The following SLC9C2 variants were observed in gnomAD, a reference collection of about 807,000 sequenced individuals.
The protein encoded by SLC9C2 is solute carrier family 9 member C2 (putative), also known as sodium/hydrogen exchanger 11.
A neutral mutation model predicts 140.2 loss-of-function variants in SLC9C2; 75 were observed. The ratio of observed to expected loss-of-function variants is 0.53; its 90% CI spans 0.44 to 0.65. SLC9C2 has a LOEUF of 0.65. Among genes scored for constraint, SLC9C2 ranks in the 30% least tolerant of loss-of-function variants. The probability of loss-of-function intolerance (pLI) is 0.00; values close to 1 mark genes in which losing one functional copy is unlikely to be tolerated. For synonymous variants in SLC9C2, 375 were observed against 420.9 expected (o/e 0.89, Z 1.34); for missense variants, 1,074 against 1,331.8 (o/e 0.81, Z 3.01).
intron 4 of SLC9C2, among the ~76,000 whole-genome samples, chr1:173,591,231 C>G (rs1666141230): frequency 6.6e-6 from 1 of 152,120 alleles, no homozygotes; most frequent in African/African-American, 2.4e-5. Flanking sequence ...TATGGCTGCA[C>G]AGTATTCCAT....
intron 11 of SLC9C2, among the ~76,000 whole-genome samples, chr1:173,550,530 C>T (rs1433681969): frequency 2.6e-5 from 4 of 151,272 alleles, no homozygotes; most frequent in Admixed American, 2.6e-4. Context: ...CATCCACCTC[C>T]TGGGTTCAAG....
rs189633527 is a variant in SLC9C2, at chr1:173,562,833, A to G, written c.1047-5325T>C. 3.9e-3 allele frequency among the ~76,000 whole-genome samples: 595 copies of G among 152,322 alleles called. 3 individuals carry two copies. The highest frequency in any genetic ancestry group is 0.014 in the Middle Eastern group (4 of 294). On this transcript the variant is annotated intron_variant, in intron 9 of 27. Coordinates refer to ENST00000367714, the MANE Select transcript of SLC9C2 (RefSeq NM_178527.4). ...ATATAAAAATTTTATTCCAGAATCT[A>G]AGAATGTTGTAGAGATCAAGAGAGC...
In SLC9C2 at chr1:173,537,011, C is replaced by A; in HGVS notation, c.1586G>T (p.Gly529Val). 1.2e-6 allele frequency: 2 copies of A among 1,613,626 alleles called. No homozygotes were observed. Among genetic ancestry groups the A allele is most frequent in the South Asian group, 2.2e-5 (2 of 91,066 alleles). ...MSSFEKQRNN[G>V]ILEIEAARIL... ...CCGGGCTGCCTCTATTTCAAGAATT[C>A]CATTGTTACGCTGTTTTTCAAAGCT... The change falls in exon 14 of 28, where the codon GGA (glycine) becomes GTA (valine). Residue 529 changes from glycine (G) to valine (V), a missense_variant. Physicochemically the swap from Gly to Val is moderately radical, Grantham distance 109. Transcript: ENST00000367714.
chr1:173,560,537 G>A (rs1045005910), intron 9 of SLC9C2, among the ~76,000 whole-genome samples: 1 of 152,202 alleles, frequency 6.6e-6, no homozygotes, highest in African/African-American at 2.4e-5. Context: ...GTTTCCCAAA[G>A]CTCAGGGGAG....
At chr1:173,518,031 C>A (rs1453538486) in intron 22 of SLC9C2, among the ~76,000 whole-genome samples, 1 of 152,090 alleles carries the variant, frequency 6.6e-6, no homozygotes, top group Admixed American at 6.5e-5. Context: ...GAGGCCAAGG[C>A]GGGCGGATCA....
chr1:173,537,748 G>A (rs1253100356), intron 13 of SLC9C2, among the ~76,000 whole-genome samples: 1 of 152,076 alleles, frequency 6.6e-6, no homozygotes, highest in Non-Finnish European at 1.5e-5. Flanking sequence ...AATTCTAAGT[G>A]TAACTAATCA....
rs1021075898 is a variant in SLC9C2 at position 173,573,306 on chromosome 1, A to T, written c.922T>A (p.Ser308Thr). 10 of 1,531,240 alleles carry T rather than the reference A, an allele frequency of 6.5e-6. No individual in the cohort carries two copies. Among genetic ancestry groups the T allele is most frequent in the Admixed American group, 4.0e-5 (2 of 50,092 alleles). The allele number at this position is 1,531,240 out of a possible 1,614,324, so 94.9% of individuals were successfully genotyped here. A position where few individuals can be genotyped will look rare whatever the true frequency, so the allele number is the denominator to read the frequency against. ...GCATATATTAAATGTTCATATACAG[A>T]TGAAAAAATTCTTAAGAACCTAGGA... ...VITKFLRIFS[S>T]VYEHLIYAFF... Residue 308 changes from serine (S) to threonine (T), a missense_variant, in exon 9 of 28, where the codon TCT becomes ACT. Ser to Thr is a moderately conservative substitution (Grantham distance 58, BLOSUM62 1). Coordinates refer to ENST00000367714, the MANE Select transcript of SLC9C2 (RefSeq NM_178527.4).
intron 3 of SLC9C2, among the ~76,000 whole-genome samples, chr1:173,599,602 GCTTT>G (rs1388539109): frequency 6.7e-6 from 1 of 149,950 alleles, no homozygotes; most frequent in Non-Finnish European, 1.5e-5. Flanking sequence ...GTCTTTCCTT[GCTTT>G]CTTTCCTTCT....
chr1:173,549,907 G>A lies in SLC9C2; in HGVS notation c.1298-1355C>T, dbSNP rs369936546. Among the ~76,000 whole-genome samples the A allele has an allele frequency of 1.1e-4, 16 of 152,294 alleles. No individual in the cohort carries two copies. The East Asian group carries it at 1.9e-3, about 18-fold the overall frequency. ...ATCTCACTTTTGAATACCAGAGTAG[G>A]AGGAATCACAAGAAAGGAAGCATGA... On this transcript the variant is annotated intron_variant, in intron 11 of 27. Coordinates refer to ENST00000367714, the MANE Select transcript of SLC9C2 (RefSeq NM_178527.4).
chr1:173,589,567 AATAG>A (rs1666044395), intron 4 of SLC9C2, among the ~76,000 whole-genome samples: 1 of 152,108 alleles, frequency 6.6e-6, no homozygotes, highest in Admixed American at 6.5e-5. Flanking sequence ...CTCAAAAAAA[AATAG>A]ATATATAAAT....
rs1043856711 is a variant in SLC9C2, at chr1:173,507,683, A to C, written c.3040-642T>G. Among the ~76,000 whole-genome samples, 19 of 152,264 alleles carry C rather than the reference A, an allele frequency of 1.2e-4. No individual in the cohort carries two copies. In the East Asian group the frequency reaches 3.7e-3, roughly 29 times the overall value. On this transcript the variant is annotated intron_variant, in intron 24 of 27. Coordinates refer to ENST00000367714, the MANE Select transcript of SLC9C2 (RefSeq NM_178527.4). ...AATTTGAACAACTAGTGTCCTTATA[A>C]AAAGGGGAAACTTGGACGCAGACTT...
chr1:173,595,297 A>G (rs1666383119), intron 4 of SLC9C2, among the ~76,000 whole-genome samples: 1 of 151,918 alleles, frequency 6.6e-6, no homozygotes, highest in African/African-American at 2.4e-5. Context: ...TCTCATGTTC[A>G]CCACTTCACA....
intron 21 of SLC9C2, among the ~76,000 whole-genome samples, chr1:173,523,077 A>C (rs1660939776): frequency 6.6e-6 from 1 of 152,194 alleles, no homozygotes; most frequent in Non-Finnish European, 1.5e-5. Context: ...AAGCTTTTGA[A>C]AGCAGGGACT....
chr1:173,504,609 A>G (rs185948770), intron 26 of SLC9C2, among the ~76,000 whole-genome samples: 19 of 152,130 alleles, frequency 1.2e-4, no homozygotes, highest in East Asian at 1.2e-3. Flanking sequence ...CAGCTGGGAG[A>G]ATTTTGTCAT....
At chr1:173,593,135 A>G (rs1050056950) in intron 4 of SLC9C2, among the ~76,000 whole-genome samples, 2 of 152,230 alleles carry the variant, frequency 1.3e-5, no homozygotes, top group Non-Finnish European at 2.9e-5. Flanking sequence ...ACACTGAAGT[A>G]CACAGATCAG....
intron 23 of SLC9C2, among the ~76,000 whole-genome samples, chr1:173,513,045 G>T (rs550112675): frequency 6.6e-6 from 1 of 152,280 alleles, no homozygotes; most frequent in African/African-American, 2.4e-5. Context: ...TGCTGGATTT[G>T]GTTTGCCAGC....
chr1:173,525,517 C>A (rs570912251), intron 19 of SLC9C2, among the ~76,000 whole-genome samples: 2 of 152,334 alleles, frequency 1.3e-5, no homozygotes, highest in African/African-American at 4.8e-5. Context: ...TAGCAATGAT[C>A]AAAAGCATAG....
In SLC9C2 at chr1:173,517,461, CA is replaced by C. The variant is rs1461469979; in HGVS notation, c.2907+75del. ...TTGGGTGACTAAGATGTCAAAACCCCAAAAAAGAAAAGATGCTGGTATTTTT... is the reference window on the plus strand; with the variant it reads ...TTGGGTGACTAAGATGTCAAAACCCCAAAAAGAAAAGATGCTGGTATTTTT... On this transcript the variant is annotated intron_variant, in intron 23 of 27. Coordinates refer to ENST00000367714, the MANE Select transcript of SLC9C2 (RefSeq NM_178527.4). The C allele has an allele frequency of 2.1e-6, 3 of 1,425,612 alleles. No individual in the cohort carries two copies. In the African/African-American group the frequency reaches 4.4e-5, roughly 21 times the overall value. The allele number at this position is 1,425,612 out of a possible 1,614,324, so 88.3% of individuals were successfully genotyped here.
At chr1:173,519,002 A>C (rs1025924379) in intron 22 of SLC9C2, among the ~76,000 whole-genome samples, 1 of 152,134 alleles carries the variant, frequency 6.6e-6, no homozygotes, top group Non-Finnish European at 1.5e-5. Flanking sequence ...TAATTGGCTG[A>C]CCTTAAAAAG....
Sources: gnomAD v4.1 joint callset for allele counts (sites outside exome capture counted in the v4.1 genomes callset) on GRCh38, gnomAD v4.1.1 for gene constraint, MANE v1.5 for transcripts, NCBI Gene and HGNC (gene_info 2026-07-23, HGNC 2026-07-21) for gene names.